Variants in FCHO2 observed in about 807,000 individuals in gnomAD.
The protein encoded by FCHO2 is FCH and mu domain containing endocytic adaptor 2.
FCHO2 carries 43 observed loss-of-function variants against 114.1 expected under a neutral mutation model. The observed-to-expected ratio is 0.38, with a 90% CI of 0.30 to 0.49. The LOEUF is 0.49. FCHO2 is among the 20% of genes least tolerant of loss of function. The probability of loss-of-function intolerance (pLI) is 0.97; values close to 1 mark genes in which losing one functional copy is unlikely to be tolerated. For synonymous variants in FCHO2, 293 were observed against 315.2 expected, an observed-to-expected ratio of 0.93 and a Z score of 0.75; for missense variants, 807 against 950.4, an observed-to-expected ratio of 0.85 and a Z score of 1.98.
At chr5:72,956,250 C>A in intron 1 of FCHO2, 121 bp downstream of exon 1, 1 of 1,332,096 alleles carries the variant, frequency 7.5e-7, no homozygotes, top group Non-Finnish European at 1.0e-6. Context: ...CGTCCTCCTG[C>A]CGCGTCCCGC....
chr5:73,041,917 A>G (rs1375354226), intron 11 of FCHO2, among the ~76,000 whole-genome samples: 4 of 152,100 alleles, frequency 2.6e-5, no homozygotes, highest in Admixed American at 1.3e-4. Flanking sequence ...CATATTTTTC[A>G]AAACTGTTCA....
In FCHO2 at chr5:73,001,915, A is replaced by C. The variant is rs75168215; in HGVS notation, c.496-4530A>C. Among the ~76,000 whole-genome samples, 20 of 152,212 alleles carry C rather than the reference A, an allele frequency of 1.3e-4. No homozygotes were observed. In the East Asian group the frequency reaches 1.9e-3, roughly 15 times the overall value. ...AGTGATACCCTGTCTCAAAAAAAAA[A>C]AAAAAGAGCTGATTGAAAAAATATA... On this transcript the variant is annotated intron_variant, in intron 5 of 25. Transcript: ENST00000430046.
At chr5:73,058,327 G>A in intron 16 of FCHO2, 106 bp from the exon 17 acceptor site, 1 of 709,606 alleles carries the variant, frequency 1.4e-6, no homozygotes, top group South Asian at 2.6e-5. Flanking sequence ...TTTTAATTAT[G>A]TATATTGAGC....
intron 19 of FCHO2, among the ~76,000 whole-genome samples, chr5:73,070,916 CA>C (rs1742612656): frequency 6.6e-6 from 1 of 152,016 alleles, no homozygotes; most frequent in South Asian, 2.1e-4. Flanking sequence ...TTGGGACACA[CA>C]CTGAAATTGA....
Position 73,089,499 on chromosome 5 carries a change from A to C in FCHO2, c.*1409A>C, listed in dbSNP as rs1223508023. The C allele has an allele frequency of 1.3e-5, 2 of 152,384 alleles. No individual in the cohort carries two copies. The highest frequency in any genetic ancestry group is 1.3e-4 in the Admixed American group (2 of 15,280). The allele number at this position is 152,384 out of a possible 1,614,324, so 9.4% of individuals were successfully genotyped here. On this transcript the variant is annotated 3_prime_UTR_variant, in exon 26 of 26. Transcript: ENST00000430046. ...GTGATATATTTGGTTAAACATTTCT[A>C]AAAATAAACTACCAATACTAAATAG...
chr5:73,010,168 A>G (rs1167822268), intron 6 of FCHO2, among the ~76,000 whole-genome samples: 1 of 152,182 alleles, frequency 6.6e-6, no homozygotes, highest in Non-Finnish European at 1.5e-5. Context: ...TATAGTGAGA[A>G]TCAAATTTGG....
intron 10 of FCHO2, among the ~76,000 whole-genome samples, chr5:73,038,354 C>T (rs1318185954): frequency 6.6e-6 from 1 of 152,178 alleles, no homozygotes; most frequent in East Asian, 1.9e-4. Context: ...ATCTTTGAGC[C>T]GTGATTATTC....
intron 23 of FCHO2, among the ~76,000 whole-genome samples, 196 bp downstream of exon 23, chr5:73,082,178 G>A (rs1424985285): frequency 6.6e-6 from 1 of 150,876 alleles, no homozygotes; most frequent in Non-Finnish European, 1.5e-5. Flanking sequence ...AACAAAACTA[G>A]TTTTGCTCTA....
chr5:73,013,651 AT>A (rs1264629884), intron 6 of FCHO2, among the ~76,000 whole-genome samples: 1 of 152,134 alleles, frequency 6.6e-6, no homozygotes, highest in Non-Finnish European at 1.5e-5. Context: ...ACGTGTCATT[AT>A]TTCAGTATTT....
intron 21 of FCHO2, 24 bp from the exon 22 acceptor site, chr5:73,078,156 C>T: frequency 6.9e-7 from 1 of 1,447,718 alleles, no homozygotes; most frequent in Non-Finnish European, 9.1e-7. Context: ...AATAAAATAA[C>T]AAATATATTT....
At chr5:72,971,387 G>C (rs543531672) in intron 2 of FCHO2, among the ~76,000 whole-genome samples, 4 of 152,070 alleles carry the variant, frequency 2.6e-5, no homozygotes, top group Non-Finnish European at 4.4e-5. Context: ...TTTAATGATT[G>C]CCATTCTAAC....
intron 9 of FCHO2, among the ~76,000 whole-genome samples, chr5:73,035,695 G>A (rs1006595959): frequency 6.6e-6 from 1 of 152,010 alleles, no homozygotes; most frequent in African/African-American, 2.4e-5. Context: ...TAGAGAAAGG[G>A]TTTCACCATG....
At chr5:73,005,294 A>G (rs1251715996) in intron 5 of FCHO2, among the ~76,000 whole-genome samples, 1 of 152,168 alleles carries the variant, frequency 6.6e-6, no homozygotes, top group African/African-American at 2.4e-5. Context: ...AAAGATAATT[A>G]CATATTGGTA....
intron 11 of FCHO2, among the ~76,000 whole-genome samples, chr5:73,044,322 T>C (rs957724071): frequency 1.3e-5 from 2 of 152,176 alleles, no homozygotes; most frequent in African/African-American, 4.8e-5. Flanking sequence ...CACTTCAGCC[T>C]CGACCTCCCA....
chr5:73,084,698 G>T (rs765970077), intron 24 of FCHO2, among the ~76,000 whole-genome samples: 1 of 152,170 alleles, frequency 6.6e-6, no homozygotes, highest in Non-Finnish European at 1.5e-5. Flanking sequence ...CTGTAGAAAG[G>T]ACCGTAAATA....
rs75773873 is a variant in FCHO2 at position 73,047,400 on chromosome 5, T to G, written c.940-3949T>G. 3.9e-4 allele frequency among the ~76,000 whole-genome samples: 56 copies of G among 145,428 alleles called. 2 individuals carry two copies. The East Asian group carries it at 0.011, about 28-fold the overall frequency. On this transcript the variant is annotated intron_variant, in intron 11 of 25. Coordinates refer to ENST00000430046, the MANE Select transcript of FCHO2 (RefSeq NM_138782.3). ...TGTGTTCTAATTATCCTTTCTGTAG[T>G]TTTTTTTTTTAAACAAAGATAAGCA...
chr5:72,975,177 T>G (rs1310262739), intron 2 of FCHO2, among the ~76,000 whole-genome samples: 1 of 152,188 alleles, frequency 6.6e-6, no homozygotes, highest in Non-Finnish European at 1.5e-5. Context: ...TGGTAATTAT[T>G]TATTTTTATT....
intron 2 of FCHO2, among the ~76,000 whole-genome samples, chr5:72,972,947 G>C (rs1465566924): frequency 2.3e-4 from 35 of 152,136 alleles, no homozygotes; most frequent in African/African-American, 6.8e-4. Context: ...TTTTCTGCAT[G>C]TATTGAGATA....
At chr5:73,015,075 CAA>C (rs1001718712) in intron 6 of FCHO2, among the ~76,000 whole-genome samples, 8 of 31,822 alleles carry the variant, frequency 2.5e-4, no homozygotes, top group South Asian at 2.3e-3. Flanking sequence ...GACTCCGTCT[CAA>C]AAAAAAAAAA....
Sources: gnomAD v4.1 joint callset for allele counts (sites outside exome capture counted in the v4.1 genomes callset) on GRCh38, gnomAD v4.1.1 for gene constraint, MANE v1.5 for transcripts, NCBI Gene and HGNC (gene_info 2026-07-23, HGNC 2026-07-21) for gene names.